CCAR1: variants seen among roughly 807,000 people sequenced by gnomAD.
CCAR1 encodes the protein cell division cycle and apoptosis regulator protein 1.
In CCAR1, 78 loss-of-function variants were observed where a neutral mutation model predicts 163.8. The ratio of observed to expected loss-of-function variants is 0.48; its 90% CI spans 0.40 to 0.57. The LOEUF is 0.57. Ranked by LOEUF, CCAR1 falls within the 20% of genes least tolerant of loss-of-function variation. The probability of loss-of-function intolerance (pLI) is 0.00; values close to 1 mark genes in which losing one functional copy is unlikely to be tolerated. For missense variants in CCAR1, 1,019 were observed against 1,365.2 expected, an observed-to-expected ratio of 0.75 and a Z score of 4.00; for synonymous variants, 443 against 460.7, an observed-to-expected ratio of 0.96 and a Z score of 0.49.
At chr10:68,769,104 A>T (rs527784930) in intron 17 of CCAR1, among the ~76,000 whole-genome samples, 2 of 152,118 alleles carry the variant, frequency 1.3e-5, no homozygotes, top group Non-Finnish European at 2.9e-5. Context: ...CGTCCCGAGT[A>T]GCCCTGGGAT....
At chr10:68,773,805 A>G (rs1246885732) in intron 19 of CCAR1, among the ~76,000 whole-genome samples, 1 of 151,988 alleles carries the variant, frequency 6.6e-6, no homozygotes, top group Non-Finnish European at 1.5e-5. Flanking sequence ...TCAGCCTGCC[A>G]GGCTCAGTAT....
intron 16 of CCAR1, among the ~76,000 whole-genome samples, chr10:68,764,049 A>G (rs777308874): frequency 3.3e-5 from 5 of 152,202 alleles, no homozygotes; most frequent in African/African-American, 7.2e-5. Flanking sequence ...AGATAGATAT[A>G]TAGATAAGTA....
At chr10:68,730,792 G>T (rs2056027344) in intron 2 of CCAR1, among the ~76,000 whole-genome samples, 1 of 152,110 alleles carries the variant, frequency 6.6e-6, no homozygotes, top group Non-Finnish European at 1.5e-5. Context: ...CTGGGCTCAG[G>T]TGATCCACCC....
At chr10:68,773,659 C>A (rs1050782191) in intron 19 of CCAR1, among the ~76,000 whole-genome samples, 5 of 150,386 alleles carry the variant, frequency 3.3e-5, no homozygotes, top group Non-Finnish European at 4.4e-5. Context: ...GAGTGAGACC[C>A]TGTCTCAAAA....
chr10:68,775,042 T>G (rs1001037253), intron 19 of CCAR1: 1 of 323,598 alleles, frequency 3.1e-6, no homozygotes, highest in African/African-American at 2.3e-5. Flanking sequence ...TAATATTGTT[T>G]AATGAAAAAG....
chr10:68,759,154 C>T (rs1462900433), intron 15 of CCAR1, among the ~76,000 whole-genome samples: 1 of 152,198 alleles, frequency 6.6e-6, no homozygotes, highest in African/African-American at 2.4e-5. Flanking sequence ...TAGCTCATGC[C>T]TGTGATCCCA....
At position 68,740,652 on chromosome 10, in the gene CCAR1, C is replaced by T. The variant is rs576162180; in HGVS notation, c.315C>T (p.Leu105=). The T allele has an allele frequency of 6.8e-6, 11 of 1,610,674 alleles. No homozygotes were observed. The South Asian group carries it at 8.8e-5, about 13-fold the overall frequency. The part of the protein sequence containing the change: ...QQQLQQPQQT[L]LTQPAVALPT... Reference sequence around the variant, plus strand: ...AGTTACAGCAACCCCAGCAAACCCTCTTAACACAGGTTAGTTGGTATTACT... The same window carrying T: ...AGTTACAGCAACCCCAGCAAACCCTTTTAACACAGGTTAGTTGGTATTACT... Residue 105 remains leucine, a synonymous_variant, in exon 5 of 25, where the codon CTC becomes CTT. Transcript: ENST00000265872.
chr10:68,757,451 G>A, intron 15 of CCAR1, 74 bp downstream of exon 15: 1 of 815,628 alleles, frequency 1.2e-6, no homozygotes, highest in Non-Finnish European at 2.1e-6. Context: ...GTCTCGCTCT[G>A]TCGCCCAGGC....
chr10:68,754,803 C>G lies in CCAR1; in HGVS notation c.1434C>G (p.Phe478Leu). 6.2e-7 allele frequency: 1 copy of G among 1,600,590 alleles called. No homozygotes were observed. The highest frequency in any genetic ancestry group is 8.6e-7 in the Non-Finnish European group (1 of 1,167,840). ...AEDPQELRDG[F>L]QHPARLVKFL... ...ACCCACAAGAACTTCGAGATGGATT[C>G]CAACATCCTGCTAGACTTGTTAAGG... The change falls in exon 12 of 25, where the codon TTC (phenylalanine) becomes TTG (leucine). Residue 478 changes from phenylalanine to leucine, a missense_variant. By Grantham distance (22) the Phe-to-Leu change is conservative (BLOSUM62 0). Coordinates refer to ENST00000265872, the MANE Select transcript of CCAR1 (RefSeq NM_018237.4).
intron 18 of CCAR1, 88 bp from the exon 19 acceptor site, chr10:68,772,900 C>A (rs2056620635): frequency 1.6e-6 from 1 of 611,378 alleles, no homozygotes; most frequent in African/African-American, 1.9e-5. Context: ...CGCTTGAGCC[C>A]ACGGGTTGGA....
At position 68,742,527 on chromosome 10, in the gene CCAR1, A is replaced by C; in HGVS notation, c.476A>C (p.Asp159Ala). Residue 159 changes from aspartate to alanine, a missense_variant, in exon 6 of 25, where the codon GAT becomes GCT. By Grantham distance (126) the Asp-to-Ala change is moderately radical. Around this residue, in one of 4 missense-constraint regions of CCAR1, gnomAD observed 644 missense variants for 904.4 expected, o/e 0.71. Coordinates refer to ENST00000265872, the MANE Select transcript of CCAR1 (RefSeq NM_018237.4). ...ACAGGGGTGGTTACAAAACTACATG[A>C]TACGTTTGGATTTGTGGATGAAGAT... ...VFTGVVTKLH[D>A]TFGFVDEDVF... is the part of the protein sequence containing the mutation. 6.2e-7 allele frequency: 1 copy of C among 1,614,036 alleles called. No individual in the cohort carries two copies. Among genetic ancestry groups the C allele is most frequent in the Non-Finnish European group, 8.5e-7 (1 of 1,179,944 alleles).
At chr10:68,789,940 TTTTC>T (rs2056835383) in intron 24 of CCAR1, 25 bp downstream of exon 24, 8 of 1,407,476 alleles carry the variant, frequency 5.7e-6, no homozygotes, top group Non-Finnish European at 7.7e-6. Flanking sequence ...ACTTTTAACA[TTTTC>T]TTAGTTTTAA....
chr10:68,772,482 C>CA (rs1021882485), intron 18 of CCAR1, among the ~76,000 whole-genome samples: 11 of 136,788 alleles, frequency 8.0e-5, no homozygotes, highest in South Asian at 2.3e-4. Context: ...GACTGTGTCT[C>CA]AAAAAAAACA....
chr10:68,771,087 A>G (rs1445681643), intron 17 of CCAR1, 119 bp from the exon 18 acceptor site: 2 of 840,886 alleles, frequency 2.4e-6, no homozygotes, highest in African/African-American at 1.7e-5. Context: ...CAAAAAAAAA[A>G]AAGTTTGATA....
At chr10:68,782,427 A>T (rs982835103) in intron 19 of CCAR1, among the ~76,000 whole-genome samples, 26 of 152,168 alleles carry the variant, frequency 1.7e-4, no homozygotes, top group African/African-American at 6.3e-4. Context: ...GCGGGTAAAA[A>T]AAAAAAGGCA....
intron 10 of CCAR1, among the ~76,000 whole-genome samples, chr10:68,752,554 A>C (rs1356171328): frequency 6.6e-6 from 1 of 152,150 alleles, no homozygotes; most frequent in Non-Finnish European, 1.5e-5. Flanking sequence ...TATTATTTTG[A>C]CAGCAGAATC....
intron 10 of CCAR1, among the ~76,000 whole-genome samples, chr10:68,753,094 T>TTAGTTGTCTTTAAAAAAGACAATG (rs71028776): frequency 0.88 from 132,710 of 151,634 alleles, 58,170 homozygotes; most frequent in African/African-American, 0.9. Context: ...ACTTCTGCTT[T>TTAGTTGTCTTTAAAAAAGACAATG]TAGTTGTCTT....
Position 68,760,990 on chromosome 10 carries a change from C to G in CCAR1, c.1921-17C>G, listed in dbSNP as rs370225487. ...CCACCTTTTTTTTTTCCGTGTTTTT[C>G]TGCTCCATATATTCAGGTAAATGAC... On this transcript the variant is annotated splice_polypyrimidine_tract_variant and intron_variant, in intron 15 of 24. Transcript: ENST00000265872. The G allele has an allele frequency of 7.9e-5, 44 of 560,144 alleles. No homozygotes were observed. The East Asian group carries it at 8.3e-4, about 11-fold the overall frequency. The allele number at this position is 560,144 out of a possible 1,614,324, so 34.7% of individuals were successfully genotyped here. A position where few individuals can be genotyped will look rare whatever the true frequency, so the allele number is the denominator to read the frequency against.
chr10:68,723,717 A>G (rs548363694), intron 2 of CCAR1, among the ~76,000 whole-genome samples: 16 of 151,380 alleles, frequency 1.1e-4, no homozygotes, highest in Non-Finnish European at 2.2e-4. Context: ...GCATGGTGGC[A>G]GGCACCTGTA....
Sources: gnomAD v4.1 joint callset for allele counts (sites outside exome capture counted in the v4.1 genomes callset) on GRCh38, gnomAD v4.1.1 for gene constraint, gnomAD v4.1.1 regional missense constraint, MANE v1.5 for transcripts, NCBI Gene and HGNC (gene_info 2026-07-23, HGNC 2026-07-21) for gene names.